Variants in MAGI1 observed in about 807,000 individuals in gnomAD.
The protein encoded by MAGI1 is membrane-associated guanylate kinase, WW and PDZ domain-containing protein 1.
Under a neutral mutation model 139.9 loss-of-function variants are expected in MAGI1, and 58 were observed. That is an observed-to-expected ratio of 0.41 (90% CI 0.34 to 0.52). The LOEUF (loss-of-function observed/expected upper bound fraction) is 0.52. MAGI1 is among the 20% of genes least tolerant of loss of function. The probability of loss-of-function intolerance (pLI) is 0.12; values close to 1 mark genes in which losing one functional copy is unlikely to be tolerated. For synonymous variants in MAGI1, 812 were observed against 737.9 expected (o/e 1.10, Z -1.63); for missense variants, 1,874 against 1,901.6 (o/e 0.99, Z 0.27).
rs1944885653 is a variant in MAGI1 at position 65,401,419 on chromosome 3, A to T, written c.2199+20T>A. ...TCCACCCCAGCCCCAACAAGCACCA[A>T]GTAACTGACAAGTCCTTACCGACTT... On this transcript the variant is annotated intron_variant, in intron 13 of 22. Coordinates refer to ENST00000402939, the MANE Select transcript of MAGI1 (RefSeq NM_001033057.2). 1.2e-6 allele frequency: 2 copies of T among 1,604,868 alleles called. No homozygotes were observed. Among genetic ancestry groups the T allele is most frequent in the East Asian group, 2.2e-5 (1 of 44,620 alleles).
intron 1 of MAGI1, among the ~76,000 whole-genome samples, chr3:65,760,725 C>T (rs1249280477): frequency 6.6e-6 from 1 of 152,058 alleles, no homozygotes; most frequent in Non-Finnish European, 1.5e-5. Flanking sequence ...AATTTGAGCC[C>T]AGATGGTCAG....
chr3:65,811,437 A>G (rs2041226998), intron 1 of MAGI1, among the ~76,000 whole-genome samples: 1 of 152,030 alleles, frequency 6.6e-6, no homozygotes, highest in Non-Finnish European at 1.5e-5. Context: ...CTCCATGGGG[A>G]GCCCCCAGGC....
intron 1 of MAGI1, among the ~76,000 whole-genome samples, chr3:65,800,143 G>A (rs77692523): frequency 0.042 from 6,420 of 152,184 alleles, 328 homozygotes; most frequent in Admixed American, 0.16. Context: ...TCCATATGGG[G>A]TTCTAGTGGC....
At chr3:65,825,882 G>A (rs2042198698) in intron 1 of MAGI1, among the ~76,000 whole-genome samples, 1 of 152,076 alleles carries the variant, frequency 6.6e-6, no homozygotes, top group South Asian at 2.1e-4. Context: ...CAGCTACTCG[G>A]GAGGCTGAGG....
At chr3:65,695,775 G>A (rs1424369223) in intron 1 of MAGI1, among the ~76,000 whole-genome samples, 1 of 152,170 alleles carries the variant, frequency 6.6e-6, no homozygotes, top group African/African-American at 2.4e-5. Context: ...CTCAGTTCCA[G>A]CTGCAGGCCA....
At chr3:65,885,801 C>T (rs948315515) in intron 1 of MAGI1, among the ~76,000 whole-genome samples, 6 of 152,260 alleles carry the variant, frequency 3.9e-5, no homozygotes, top group South Asian at 4.1e-4. Flanking sequence ...ATAAATTACC[C>T]AGTCTCAGGT....
chr3:65,950,078 CAAAAAAAAAAACA>C (rs2063744504), intron 1 of MAGI1, among the ~76,000 whole-genome samples: 2 of 40,340 alleles, frequency 5.0e-5, no homozygotes, highest in African/African-American at 1.6e-4. Flanking sequence ...AAAAAAAAAA[CAAAAAAAAAAACA>C]AACAAAAAAA....
Position 65,983,428 on chromosome 3 carries a change from T to C in MAGI1, c.313+54568A>G, listed in dbSNP as rs372413543. Among the ~76,000 whole-genome samples the C allele has an allele frequency of 1.8e-4, 27 of 152,292 alleles. No individual in the cohort carries two copies. The East Asian group carries it at 5.0e-3, about 28-fold the overall frequency. On this transcript the variant is annotated intron_variant, in intron 1 of 22. Coordinates refer to ENST00000402939, the MANE Select transcript of MAGI1 (RefSeq NM_001033057.2). Reference sequence around the variant, plus strand: ...TGTGAAATGACTTTAAAACCACTGGTGAGCATTTCAACTCTGGACTTTTCT... The same window carrying C: ...TGTGAAATGACTTTAAAACCACTGGCGAGCATTTCAACTCTGGACTTTTCT...
chr3:65,433,025 T>A (rs2107359338), intron 10 of MAGI1, among the ~76,000 whole-genome samples: 2 of 152,284 alleles, frequency 1.3e-5, no homozygotes, highest in South Asian at 4.1e-4. Context: ...TTGGTTTTCT[T>A]ACTATCCCCA....
At chr3:65,990,140 G>A (rs1023082866) in intron 1 of MAGI1, among the ~76,000 whole-genome samples, 1 of 152,098 alleles carries the variant, frequency 6.6e-6, no homozygotes, top group Non-Finnish European at 1.5e-5. Flanking sequence ...GGAAGAGCTG[G>A]CAAGACCTGA....
chr3:65,439,979 C>T lies in MAGI1; in HGVS notation c.1170G>A (p.Pro390=), dbSNP rs886840635. 8 of 1,614,030 alleles carry T rather than the reference C, an allele frequency of 5.0e-6. No homozygotes were observed. Among genetic ancestry groups the T allele is most frequent in the Admixed American group, 3.3e-5 (2 of 60,002 alleles). Residue 390 remains proline, a synonymous_variant, in exon 9 of 23, where the codon CCG becomes CCA. Coordinates refer to ENST00000402939, the MANE Select transcript of MAGI1 (RefSeq NM_001033057.2). ...HINRKTQYEN[P]VLEAKRKKQL... is the part of the protein sequence containing the mutation. ...GCTTCTTCCGTTTGGCTTCTAGAAC[C>T]GGGTTCTCATATTGTGTCTTCCTGT...
At chr3:65,735,914 C>A (rs2034685144) in intron 1 of MAGI1, among the ~76,000 whole-genome samples, 1 of 152,148 alleles carries the variant, frequency 6.6e-6, no homozygotes, top group Admixed American at 6.5e-5. Flanking sequence ...ACCATTCTTA[C>A]CTCCACAGTC....
At position 65,887,569 on chromosome 3, in the gene MAGI1, A is replaced by C. The variant is rs567779061; in HGVS notation, c.313+150427T>G. Among the ~76,000 whole-genome samples the C allele has an allele frequency of 1.1e-4, 17 of 152,222 alleles. No individual in the cohort carries two copies. The South Asian group carries it at 1.5e-3, about 13-fold the overall frequency. The stretch of plus-strand genomic sequence containing the variant: ...CTATTTCTTTAACTTCCTTACCTTT[A>C]CCAAATACCACAATTTCTCTTAGAC... On this transcript the variant is annotated intron_variant, in intron 1 of 22. Coordinates refer to ENST00000402939, the MANE Select transcript of MAGI1 (RefSeq NM_001033057.2).
chr3:65,911,602 T>C (rs558760031), intron 1 of MAGI1, among the ~76,000 whole-genome samples: 1 of 152,296 alleles, frequency 6.6e-6, no homozygotes, highest in East Asian at 1.9e-4. Context: ...TTCTTAAACC[T>C]TGGGATCAAA....
At chr3:65,858,601 C>A (rs1275314603) in intron 1 of MAGI1, among the ~76,000 whole-genome samples, 1 of 152,138 alleles carries the variant, frequency 6.6e-6, no homozygotes, top group African/African-American at 2.4e-5. Context: ...TACTCTTTAT[C>A]TCATCACAGG....
At chr3:65,734,582 A>G (rs1051089675) in intron 1 of MAGI1, among the ~76,000 whole-genome samples, 1 of 151,128 alleles carries the variant, frequency 6.6e-6, no homozygotes, top group Non-Finnish European at 1.5e-5. Flanking sequence ...AGAGAGAGAG[A>G]GAGAGGGAGA....
intron 1 of MAGI1, among the ~76,000 whole-genome samples, chr3:65,686,638 A>G (rs1242986469): frequency 6.6e-6 from 1 of 152,156 alleles, no homozygotes; most frequent in Non-Finnish European, 1.5e-5. Flanking sequence ...TTGTTGCAGC[A>G]ACTGGACACC....
At chr3:65,385,654 T>A (rs1943389602) in intron 14 of MAGI1, among the ~76,000 whole-genome samples, 1 of 152,208 alleles carries the variant, frequency 6.6e-6, no homozygotes, top group African/African-American at 2.4e-5. Context: ...GGAGTTTGAA[T>A]CTGATCTTTT....
At chr3:65,665,412 A>T (rs1050838619) in intron 1 of MAGI1, among the ~76,000 whole-genome samples, 9 of 152,200 alleles carry the variant, frequency 5.9e-5, no homozygotes, top group Non-Finnish European at 1.3e-4. Context: ...GAGAAGAAAA[A>T]TTTGAAAAAA....
Sources: allele counts gnomAD v4.1 joint callset (sites outside exome capture counted in the v4.1 genomes callset), GRCh38; gene constraint gnomAD v4.1.1; transcripts MANE v1.5; gene names NCBI Gene and HGNC (gene_info 2026-07-23, HGNC 2026-07-21).